The following ASB3 variants were observed in gnomAD, a reference collection of about 807,000 sequenced individuals.
ASB3 encodes ankyrin repeat and SOCS box containing 3.
Under a neutral mutation model 54.5 loss-of-function variants are expected in ASB3, and 41 were observed. The observed-to-expected ratio is 0.75, with a 90% CI of 0.59 to 0.98. The LOEUF (loss-of-function observed/expected upper bound fraction) is 0.98, where lower values mean the gene tolerates loss of function less well. Among genes scored for constraint, ASB3 ranks in the 50% least tolerant of loss-of-function variants. ASB3 has a pLI of 0.00. For missense variants in ASB3, 733 were observed against 620.0 expected (o/e 1.18, Z -1.94); for synonymous variants, 266 against 221.2 (o/e 1.20, Z -1.80).
intron 2 of ASB3, among the ~76,000 whole-genome samples, chr2:53,752,648 G>A (rs1472261687): frequency 6.6e-6 from 1 of 152,254 alleles, no homozygotes; most frequent in Non-Finnish European, 1.5e-5. Context: ...GGCAGCATTT[G>A]GCTGTCTCCT....
chr2:53,714,350 G>A, intron 7 of ASB3, 34 bp downstream of exon 7: 1 of 1,605,712 alleles, frequency 6.2e-7, no homozygotes, highest in Non-Finnish European at 8.5e-7. Context: ...CAGCAAAAAA[G>A]AATAAAAAAT....
At chr2:53,753,971 G>A (rs1428240095) in intron 2 of ASB3, among the ~76,000 whole-genome samples, 1 of 151,956 alleles carries the variant, frequency 6.6e-6, no homozygotes, top group African/African-American at 2.4e-5. Context: ...TCATTCTCCC[G>A]TAAAAGAAAC....
chr2:53,698,215 C>G (rs1214952572), intron 8 of ASB3, among the ~76,000 whole-genome samples: 1 of 152,146 alleles, frequency 6.6e-6, no homozygotes, highest in African/African-American at 2.4e-5. Flanking sequence ...TCCTGAAAAC[C>G]AATCTGACCT....
At position 53,714,186 on chromosome 2, in the gene ASB3, G is replaced by C. The variant is rs138846120; in HGVS notation, c.980+198C>G. Among the ~76,000 whole-genome samples the C allele has an allele frequency of 6.4e-3, 970 of 152,150 alleles. 12 individuals are homozygous for C. Among genetic ancestry groups the C allele is most frequent in the African/African-American group, 0.022 (931 of 41,522 alleles). ...ATATAATCCAGATCCAAAGAAGGAA[G>C]GAAAACAATGTGATATTATCACCTC... is the stretch of plus-strand genomic sequence containing the variant. On this transcript the variant is annotated intron_variant, in intron 7 of 9. Coordinates refer to ENST00000263634, the MANE Select transcript of ASB3 (RefSeq NM_016115.5).
intron 2 of ASB3, among the ~76,000 whole-genome samples, chr2:53,752,573 T>G (rs1243541561): frequency 6.6e-6 from 1 of 152,258 alleles, no homozygotes; most frequent in East Asian, 1.9e-4. Flanking sequence ...TGTGCACGTG[T>G]TAAGGCACGG....
intron 1 of ASB3, 69 bp downstream of exon 1, chr2:53,786,752 T>A (rs1230107892): frequency 1.8e-5 from 3 of 164,464 alleles, no homozygotes; most frequent in Non-Finnish European, 2.6e-5. Context: ...GGGTCAAACC[T>A]CTGCCTGCCC....
At chr2:53,686,875 C>T (rs1295519486) in intron 9 of ASB3, among the ~76,000 whole-genome samples, 1 of 152,080 alleles carries the variant, frequency 6.6e-6, no homozygotes, top group East Asian at 1.9e-4. Context: ...GCGCTTGCCA[C>T]CACACCCGGC....
chr2:53,765,323 T>C, intron 2 of ASB3, 54 bp downstream of exon 2: 3 of 1,606,970 alleles, frequency 1.9e-6, no homozygotes, highest in Non-Finnish European at 2.5e-6. Flanking sequence ...TACTTTTTTA[T>C]GTTTTATTAA....
At chr2:53,715,865 T>C (rs1023346151) in intron 6 of ASB3, among the ~76,000 whole-genome samples, 1 of 152,150 alleles carries the variant, frequency 6.6e-6, no homozygotes, top group Non-Finnish European at 1.5e-5. Context: ...ACTTTTTAAA[T>C]TAAATAATAC....
At position 53,688,296 on chromosome 2, in the gene ASB3, T is replaced by G. The variant is rs916690316; in HGVS notation, c.1369+5588A>C. ...CAAAATCCTCTGCAGGTCAGGCAAT[T>G]CTCCTAAAATGACACTTGAGTGTCC... is the stretch of plus-strand genomic sequence containing the variant. On this transcript the variant is annotated intron_variant, in intron 9 of 9. Coordinates refer to ENST00000263634, the MANE Select transcript of ASB3 (RefSeq NM_016115.5). 7.2e-5 allele frequency among the ~76,000 whole-genome samples: 11 copies of G among 152,214 alleles called. No homozygotes were observed. The East Asian group carries it at 2.1e-3, about 29-fold the overall frequency.
At chr2:53,758,121 T>C (rs773387735) in intron 2 of ASB3, among the ~76,000 whole-genome samples, 15 of 152,210 alleles carry the variant, frequency 9.9e-5, no homozygotes, top group Non-Finnish European at 2.2e-4. Context: ...AAACCTATAA[T>C]TGATAACTGA....
At chr2:53,753,388 G>A (rs1307980152) in intron 2 of ASB3, among the ~76,000 whole-genome samples, 2 of 152,132 alleles carry the variant, frequency 1.3e-5, no homozygotes, top group South Asian at 4.1e-4. Context: ...TGTTGGAGAG[G>A]AAGGTTACAT....
At chr2:53,699,189 A>G (rs1356692789) in intron 8 of ASB3, among the ~76,000 whole-genome samples, 1 of 152,158 alleles carries the variant, frequency 6.6e-6, no homozygotes, top group Non-Finnish European at 1.5e-5. Flanking sequence ...CTCTTCTTAT[A>G]AAGCCACCCA....
chr2:53,730,738 C>T (rs918587259), intron 3 of ASB3, among the ~76,000 whole-genome samples: 2 of 152,240 alleles, frequency 1.3e-5, no homozygotes, highest in Middle Eastern at 3.4e-3. Flanking sequence ...ACCAGCCATT[C>T]TTACTGCTGT....
chr2:53,678,076 A>T (rs905419020), intron 9 of ASB3, among the ~76,000 whole-genome samples: 5 of 152,116 alleles, frequency 3.3e-5, no homozygotes, highest in Admixed American at 3.3e-4. Flanking sequence ...ACCTACCATA[A>T]TGAAGTGATT....
At chr2:53,726,823 A>G (rs1445152264) in intron 5 of ASB3, among the ~76,000 whole-genome samples, 2 of 151,800 alleles carry the variant, frequency 1.3e-5, no homozygotes, top group Non-Finnish European at 2.9e-5. Context: ...CAGCCTCCCC[A>G]GTAGCTCGGA....
intron 8 of ASB3, among the ~76,000 whole-genome samples, chr2:53,694,751 CT>C (rs1669096178): frequency 6.6e-6 from 1 of 152,058 alleles, no homozygotes; most frequent in African/African-American, 2.4e-5. Flanking sequence ...AACAGGTTGC[CT>C]GAATTATTTA....
intron 7 of ASB3, among the ~76,000 whole-genome samples, chr2:53,707,961 CAAAA>C (rs199571236): frequency 7.9e-5 from 9 of 113,802 alleles, no homozygotes; most frequent in African/African-American, 1.9e-4. Context: ...GACTCTGTCT[CAAAA>C]AAAAAAAAAA....
At chr2:53,676,907 T>C (rs1449099458) in intron 9 of ASB3, among the ~76,000 whole-genome samples, 2 of 152,294 alleles carry the variant, frequency 1.3e-5, no homozygotes, top group Middle Eastern at 3.4e-3. Context: ...TTGCTGGGAT[T>C]ACAGGCGCCT....
Sources: allele counts gnomAD v4.1 joint callset (sites outside exome capture counted in the v4.1 genomes callset), GRCh38; gene constraint gnomAD v4.1.1; transcripts MANE v1.5; gene names NCBI Gene and HGNC (gene_info 2026-07-23, HGNC 2026-07-21).